Variants in GLRA1 observed in about 807,000 individuals in gnomAD.
The protein encoded by GLRA1 is glycine receptor subunit alpha-1.
GLRA1 carries 37 observed loss-of-function variants against 48.3 expected under a neutral mutation model. The observed-to-expected ratio is 0.77, with a 90% CI of 0.59 to 1.01. GLRA1 has a LOEUF of 1.01. Ranked by LOEUF, GLRA1 falls within the 50% of genes least tolerant of loss-of-function variation. GLRA1 has a pLI of 0.00. For synonymous variants in GLRA1, 196 were observed against 210.7 expected, an observed-to-expected ratio of 0.93 and a Z score of 0.60; for missense variants, 427 against 571.0, an observed-to-expected ratio of 0.75 and a Z score of 2.57.
At position 151,871,117 on chromosome 5, in the gene GLRA1, GC is replaced by G. The variant is rs1234708246; in HGVS notation, c.253-11110del. ...AAGACTGCTCATCACCCCATGGTCT[GC>G]TTGTGATAGACTCTAATGGCATTTC... is the stretch of plus-strand genomic sequence containing the variant. On this transcript the variant is annotated intron_variant, in intron 3 of 8. Coordinates refer to ENST00000274576, the MANE Select transcript of GLRA1 (RefSeq NM_000171.4). Among the ~76,000 whole-genome samples the G allele has an allele frequency of 8.0e-5, 12 of 149,500 alleles. 1 individual carries two copies. The highest frequency in any genetic ancestry group is 3.1e-4 in the African/African-American group (12 of 38,900).
At chr5:151,839,471 A>C (rs1763659043) in intron 7 of GLRA1, among the ~76,000 whole-genome samples, 1 of 152,234 alleles carries the variant, frequency 6.6e-6, no homozygotes, top group South Asian at 2.1e-4. Context: ...AATTTGTATG[A>C]TAATAGTGCA....
At chr5:151,908,437 C>T (rs1754528547) in intron 1 of GLRA1, among the ~76,000 whole-genome samples, 1 of 151,990 alleles carries the variant, frequency 6.6e-6, no homozygotes, top group Non-Finnish European at 1.5e-5. Flanking sequence ...TATTCCTTTT[C>T]CTTCATTTGT....
In GLRA1 at chr5:151,898,563, T is replaced by G. The variant is rs76640519; in HGVS notation, c.57-6125A>C. On this transcript the variant is annotated intron_variant, in intron 1 of 8. Coordinates refer to ENST00000274576, the MANE Select transcript of GLRA1 (RefSeq NM_000171.4). ...CAGCAGAGGGGATCCCTCCAGTCAA[T>G]TCCCTCTCCAGTTTACCATGAGCAG... 2.3e-3 allele frequency among the ~76,000 whole-genome samples: 350 copies of G among 152,008 alleles called. 1 individual carries two copies. Among genetic ancestry groups the G allele is most frequent in the African/African-American group, 8.1e-3 (337 of 41,464 alleles).
intron 7 of GLRA1, among the ~76,000 whole-genome samples, chr5:151,834,399 C>G (rs2113301322): frequency 6.6e-6 from 1 of 152,238 alleles, no homozygotes; most frequent in South Asian, 2.1e-4. Context: ...GAAATTAAGG[C>G]AGAAATGAAT....
chr5:151,889,975 G>A lies in GLRA1; in HGVS notation c.184+2336C>T, dbSNP rs374020485. On this transcript the variant is annotated intron_variant, in intron 2 of 8. Transcript: ENST00000274576. ...CGGGCCTAAAAGATGAACTAGTTCT[G>A]TAGATATTGGGCCCAAGTGTTCCGA... is the stretch of plus-strand genomic sequence containing the variant. Among the ~76,000 whole-genome samples the A allele has an allele frequency of 7.9e-5, 12 of 152,262 alleles. No homozygotes were observed. The East Asian group carries it at 1.7e-3, about 22-fold the overall frequency.
chr5:151,912,467 T>C (rs1754641170), intron 1 of GLRA1, among the ~76,000 whole-genome samples: 1 of 152,136 alleles, frequency 6.6e-6, no homozygotes, highest in Non-Finnish European at 1.5e-5. Flanking sequence ...GGCCCAGAGT[T>C]TGGACATGCC....
intron 7 of GLRA1, among the ~76,000 whole-genome samples, chr5:151,841,640 G>A (rs1763714505): frequency 6.6e-6 from 1 of 152,124 alleles, no homozygotes; most frequent in Non-Finnish European, 1.5e-5. Context: ...AGTGAAAGAG[G>A]AGGCATTATC....
At chr5:151,868,963 G>T (rs1040565157) in intron 3 of GLRA1, among the ~76,000 whole-genome samples, 1 of 152,172 alleles carries the variant, frequency 6.6e-6, no homozygotes, top group Non-Finnish European at 1.5e-5. Context: ...GTAAAGAACT[G>T]TAGATGGTTT....
At chr5:151,886,414 A>C (rs1179759449) in intron 3 of GLRA1, among the ~76,000 whole-genome samples, 7 of 152,230 alleles carry the variant, frequency 4.6e-5, no homozygotes, top group Non-Finnish European at 1.0e-4. Context: ...TGTTAAACTT[A>C]AAAACAGGTC....
intron 7 of GLRA1, chr5:151,849,678 G>T (rs901361011): frequency 4.8e-6 from 1 of 210,302 alleles, no homozygotes; most frequent in Non-Finnish European, 9.5e-6. Context: ...TCAGCCTCAC[G>T]AGTAGCTAGG....
chr5:151,828,799 C>G (rs2113289413), intron 8 of GLRA1, 122 bp downstream of exon 8: 1 of 1,052,680 alleles, frequency 9.5e-7, no homozygotes, highest in Non-Finnish European at 1.4e-6. Context: ...ATTCCTATTT[C>G]TAACCTGCCT....
At chr5:151,856,159 A>C in intron 5 of GLRA1, 142 bp downstream of exon 5, 1 of 648,430 alleles carries the variant, frequency 1.5e-6, no homozygotes, top group Non-Finnish European at 2.9e-6. Context: ...TTCTAAAAGC[A>C]AAGTCCTTCA....
intron 2 of GLRA1, among the ~76,000 whole-genome samples, chr5:151,890,509 G>A (rs529377281): frequency 2.6e-5 from 4 of 152,326 alleles, no homozygotes; most frequent in African/African-American, 7.2e-5. Context: ...CCAGTTCCTG[G>A]AAGTGTTTGA....
rs1351544467 is a variant in GLRA1, at chr5:151,849,260, T to TCTCTC, written c.912+2129_912+2130insGAGAG. ...TTCCTTCCTTCCTTCCCTTCTTTCT[T>TCTCTC]TCTCTCTCTCTCTCTTCCTTTCTTT... On this transcript the variant is annotated intron_variant, in intron 7 of 8. Coordinates refer to ENST00000274576, the MANE Select transcript of GLRA1 (RefSeq NM_000171.4). 1.0e-4 allele frequency among the ~76,000 whole-genome samples: 8 copies of TCTCTC among 79,716 alleles called. 1 individual carries two copies. Among genetic ancestry groups the TCTCTC allele is most frequent in the East Asian group, 3.6e-4 (1 of 2,788 alleles). The allele number at this position is 79,716 out of a possible 152,430, so 52.3% of individuals were successfully genotyped here. A position where few individuals can be genotyped will look rare whatever the true frequency, so the allele number is the denominator to read the frequency against.
At position 151,834,074 on chromosome 5, in the gene GLRA1, A is replaced by G. The variant is rs555737307; in HGVS notation, c.913-5007T>C. ...AAAATAATATTAGATCAACGAGACAAAAAATTAACGAGGATATTCAGGATG... is the reference window on the plus strand; with the variant it reads ...AAAATAATATTAGATCAACGAGACAGAAAATTAACGAGGATATTCAGGATG... On this transcript the variant is annotated intron_variant, in intron 7 of 8. Coordinates refer to ENST00000274576, the MANE Select transcript of GLRA1 (RefSeq NM_000171.4). Among the ~76,000 whole-genome samples the G allele has an allele frequency of 2.6e-5, 4 of 152,274 alleles. No individual in the cohort carries two copies. The South Asian group carries it at 8.3e-4, about 32-fold the overall frequency.
At chr5:151,876,190 C>G (rs1361923499) in intron 3 of GLRA1, among the ~76,000 whole-genome samples, 2 of 152,190 alleles carry the variant, frequency 1.3e-5, no homozygotes, top group African/African-American at 4.8e-5. Context: ...CTCCCTTCCC[C>G]TATACCCCGT....
At chr5:151,874,105 A>C (rs1753564004) in intron 3 of GLRA1, among the ~76,000 whole-genome samples, 1 of 152,088 alleles carries the variant, frequency 6.6e-6, no homozygotes. Context: ...AATTATGTGA[A>C]GGGTTGTCAG....
At chr5:151,850,745 C>T (rs183452709) in intron 7 of GLRA1, 232 of 1,039,642 alleles carry the variant, frequency 2.2e-4, no homozygotes, top group Non-Finnish European at 2.4e-4. Context: ...CTCATCAACA[C>T]GTGTCTTCTC....
intron 3 of GLRA1, among the ~76,000 whole-genome samples, chr5:151,870,892 A>C (rs906796340): frequency 6.7e-6 from 1 of 149,820 alleles, no homozygotes; most frequent in Non-Finnish European, 1.5e-5. Context: ...CATTCTTATT[A>C]TTACAATAGA....
Sources: gnomAD v4.1 joint callset for allele counts (sites outside exome capture counted in the v4.1 genomes callset) on GRCh38, gnomAD v4.1.1 for gene constraint, MANE v1.5 for transcripts, NCBI Gene and HGNC (gene_info 2026-07-23, HGNC 2026-07-21) for gene names.